The following WWOX variants were observed in gnomAD, a reference collection of about 807,000 sequenced individuals.
WWOX encodes WW domain-containing oxidoreductase.
WWOX carries 69 observed loss-of-function variants against 46.2 expected under a neutral mutation model. The observed-to-expected ratio is 1.49, with a 90% CI of 1.23 to 1.82. The LOEUF (loss-of-function observed/expected upper bound fraction) is 1.82. Ranked by LOEUF, WWOX falls within the 40% of genes most tolerant of loss-of-function variation. The pLI, the probability that WWOX is intolerant of heterozygous loss-of-function variation, is 0.00. For missense variants in WWOX, 919 were observed against 542.6 expected (o/e 1.69, Z -6.89); for synonymous variants, 359 against 202.6 (o/e 1.77, Z -6.56).
intron 5 of WWOX, among the ~76,000 whole-genome samples, chr16:78,189,231 A>G (rs2035805123): frequency 6.6e-6 from 1 of 152,184 alleles, no homozygotes; most frequent in Non-Finnish European, 1.5e-5. Flanking sequence ...CATTGTGACA[A>G]GTTAACAGCA....
intron 5 of WWOX, among the ~76,000 whole-genome samples, chr16:78,321,153 A>G (rs1358593386): frequency 6.6e-6 from 1 of 151,926 alleles, no homozygotes; most frequent in Admixed American, 6.6e-5. Context: ...GCAAAAAGGA[A>G]TGTATAGGCC....
chr16:78,437,891 C>T (rs760036981), intron 8 of WWOX, among the ~76,000 whole-genome samples: 2 of 152,174 alleles, frequency 1.3e-5, no homozygotes, highest in Non-Finnish European at 2.9e-5. Flanking sequence ...TTTGCACCTG[C>T]ACGCATTAAT....
intron 8 of WWOX, among the ~76,000 whole-genome samples, chr16:79,063,190 A>T (rs768940446): frequency 6.6e-6 from 1 of 152,238 alleles, no homozygotes; most frequent in Non-Finnish European, 1.5e-5. Context: ...AAATGTTCAC[A>T]TTGCTTGCAG....
chr16:78,833,436 TCC>T (rs1444590879), intron 8 of WWOX, among the ~76,000 whole-genome samples: 2 of 151,908 alleles, frequency 1.3e-5, no homozygotes, highest in African/African-American at 2.4e-5. Flanking sequence ...CTCCTCCTCC[TCC>T]TCCTCCTCCT....
intron 8 of WWOX, among the ~76,000 whole-genome samples, chr16:78,637,381 C>T (rs961407959): frequency 1.3e-5 from 2 of 151,044 alleles, no homozygotes; most frequent in Non-Finnish European, 1.5e-5. Context: ...GCAGAGGTTG[C>T]AGTGAGCCAA....
chr16:79,077,725 G>C (rs1330189462), intron 8 of WWOX, among the ~76,000 whole-genome samples: 2 of 151,094 alleles, frequency 1.3e-5, no homozygotes, highest in East Asian at 3.9e-4. Flanking sequence ...GTTGGTGTAA[G>C]AAATAATAAT....
At chr16:78,323,561 G>A (rs2080538319) in intron 5 of WWOX, among the ~76,000 whole-genome samples, 1 of 152,074 alleles carries the variant, frequency 6.6e-6, no homozygotes, top group Non-Finnish European at 1.5e-5. Flanking sequence ...GCCATGCAGT[G>A]GGAAGAGGCG....
At chr16:78,495,445 G>C (rs1226613813) in intron 8 of WWOX, among the ~76,000 whole-genome samples, 1 of 125,928 alleles carries the variant, frequency 7.9e-6, no homozygotes, top group African/African-American at 2.6e-5. Flanking sequence ...CTGGCCAGTA[G>C]TAGACTTTTG....
intron 5 of WWOX, among the ~76,000 whole-genome samples, chr16:78,178,660 G>C (rs1488099537): frequency 1.3e-5 from 2 of 152,184 alleles, no homozygotes; most frequent in African/African-American, 2.4e-5. Flanking sequence ...GAGGTTAGGA[G>C]TTCGAGACCA....
chr16:78,876,790 C>A lies in WWOX; in HGVS notation c.1057-334818C>A, dbSNP rs1172293141. ...AATCTAAAGGAAAATGCCTTAAACA[C>A]CTCATCTATTATGCTGTGCTCAAAC... On this transcript the variant is annotated intron_variant, in intron 8 of 8. Transcript: ENST00000566780. 2.0e-5 allele frequency among the ~76,000 whole-genome samples: 3 copies of A among 152,120 alleles called. No individual in the cohort carries two copies. The East Asian group carries it at 5.8e-4, about 29-fold the overall frequency.
chr16:78,817,669 G>A (rs1288004423), intron 8 of WWOX, among the ~76,000 whole-genome samples: 3 of 152,114 alleles, frequency 2.0e-5, no homozygotes, highest in African/African-American at 7.2e-5. Context: ...TTGGGGATGA[G>A]TCTTTGTGTG....
At position 78,780,705 on chromosome 16, in the gene WWOX, G is replaced by A. The variant is rs1414590165; in HGVS notation, c.1056+347953G>A. On this transcript the variant is annotated intron_variant, in intron 8 of 8. Transcript: ENST00000566780. ...GGAGAACAGTCTAGGCAAGGTGAAC[G>A]GAAGTGCAGGGTCCCTGAGGCAGAA... Among the ~76,000 whole-genome samples, 12 of 152,240 alleles carry A rather than the reference G, an allele frequency of 7.9e-5. No individual in the cohort carries two copies. The East Asian group carries it at 1.9e-3, about 25-fold the overall frequency.
chr16:78,915,048 C>G (rs7184227), intron 8 of WWOX, among the ~76,000 whole-genome samples: 118,822 of 152,020 alleles, frequency 0.78, 47,348 homozygotes, highest in Non-Finnish European at 0.83. Flanking sequence ...GCCTGATCCA[C>G]AAGTTCAGGA....
intron 5 of WWOX, among the ~76,000 whole-genome samples, chr16:78,245,387 A>G (rs768956152): frequency 1.3e-5 from 2 of 152,180 alleles, no homozygotes; most frequent in East Asian, 1.9e-4. Context: ...AATTATTTCT[A>G]TGGGATTGAT....
rs9936330 is a variant in WWOX, at chr16:78,691,725, T to G, written c.1056+258973T>G. On this transcript the variant is annotated intron_variant, in intron 8 of 8. Coordinates refer to ENST00000566780, the MANE Select transcript of WWOX (RefSeq NM_016373.4). The stretch of plus-strand genomic sequence containing the variant: ...CGTGTCTCCAAAAGGAAAAAAATAA[T>G]AAAGCACTGTCTCTCTCTACCCTTG... Among the ~76,000 whole-genome samples the G allele has an allele frequency of 9.1e-3, 1,380 of 151,966 alleles. 24 individuals carry two copies. The highest frequency in any genetic ancestry group is 0.032 in the African/African-American group (1,325 of 41,434).
intron 8 of WWOX, among the ~76,000 whole-genome samples, chr16:78,653,543 A>G (rs1366576162): frequency 1.3e-5 from 2 of 152,226 alleles, no homozygotes; most frequent in Non-Finnish European, 2.9e-5. Context: ...CCTAAAAGAG[A>G]TACACAGGAA....
chr16:78,500,021 C>T (rs1431155629), intron 8 of WWOX, among the ~76,000 whole-genome samples: 1 of 152,180 alleles, frequency 6.6e-6, no homozygotes, highest in African/African-American at 2.4e-5. Flanking sequence ...AGAAGTGGGT[C>T]AAAACCTGGT....
chr16:78,997,411 T>G (rs2047011994), intron 8 of WWOX, among the ~76,000 whole-genome samples: 1 of 152,156 alleles, frequency 6.6e-6, no homozygotes, highest in Admixed American at 6.5e-5. Flanking sequence ...GCAAAAGAAT[T>G]TTTTAAAAAA....
At chr16:78,370,130 C>CAA (rs749015478) in intron 5 of WWOX, among the ~76,000 whole-genome samples, 12,134 of 75,994 alleles carry the variant, frequency 0.16, 1,833 homozygotes, top group African/African-American at 0.36. Flanking sequence ...AGACTGTCTC[C>CAA]AAAAAAAAAA....
Sources: gnomAD v4.1 joint callset for allele counts (sites outside exome capture counted in the v4.1 genomes callset) on GRCh38, gnomAD v4.1.1 for gene constraint, MANE v1.5 for transcripts, NCBI Gene and HGNC (gene_info 2026-07-23, HGNC 2026-07-21) for gene names.